Variants in GPR39 observed in about 807,000 individuals in gnomAD.
The protein encoded by GPR39 is G protein-coupled receptor 39.
Under a neutral mutation model 18.4 loss-of-function variants are expected in GPR39, and 23 were observed. That is an observed-to-expected ratio of 1.25 (90% CI 0.90 to 1.77). The LOEUF is 1.77. GPR39 is among the 40% of genes most tolerant of loss of function. GPR39 has a pLI of 0.00. For missense variants in GPR39, 647 were observed against 602.4 expected, an observed-to-expected ratio of 1.07 and a Z score of -0.78; for synonymous variants, 280 against 257.9, an observed-to-expected ratio of 1.09 and a Z score of -0.82.
intron 1 of GPR39, among the ~76,000 whole-genome samples, chr2:132,616,926 C>T (rs751941732): frequency 9.9e-5 from 15 of 152,208 alleles, no homozygotes; most frequent in South Asian, 2.1e-4. Context: ...GCTGGATGCT[C>T]CTTCCTCCAG....
chr2:132,515,212 C>T (rs2104762091), intron 1 of GPR39, among the ~76,000 whole-genome samples: 1 of 152,286 alleles, frequency 6.6e-6, no homozygotes, highest in South Asian at 2.1e-4. Context: ...CTCTAAGGCC[C>T]CTTCCAGCCT....
At chr2:132,492,207 CAT>C (rs1172226323) in intron 1 of GPR39, among the ~76,000 whole-genome samples, 1 of 140,192 alleles carries the variant, frequency 7.1e-6, no homozygotes, top group African/African-American at 2.7e-5. Context: ...ATATATATAC[CAT>C]ATATATACAT....
At chr2:132,592,655 A>G (rs1680868139) in intron 1 of GPR39, among the ~76,000 whole-genome samples, 1 of 152,190 alleles carries the variant, frequency 6.6e-6, no homozygotes, top group Admixed American at 6.5e-5. Flanking sequence ...AAAGGGTCAG[A>G]GAGAAAGAAA....
intron 1 of GPR39, among the ~76,000 whole-genome samples, chr2:132,469,077 G>A (rs1680982918): frequency 6.6e-6 from 1 of 152,180 alleles, no homozygotes; most frequent in African/African-American, 2.4e-5. Flanking sequence ...AAAGGGCTTG[G>A]GACATGTCTC....
chr2:132,595,219 T>C lies in GPR39; in HGVS notation c.857-49882T>C, dbSNP rs542959178. Among the ~76,000 whole-genome samples, 5 of 152,202 alleles carry C rather than the reference T, an allele frequency of 3.3e-5. No homozygotes were observed. In the South Asian group the frequency reaches 1.0e-3, roughly 32 times the overall value. ...TTCACCATGTTGGCCAGGCTGGTCTTGAACTCCTGACCTCATGATCTGCCC... is the reference window on the plus strand; with the variant it reads ...TTCACCATGTTGGCCAGGCTGGTCTCGAACTCCTGACCTCATGATCTGCCC... On this transcript the variant is annotated intron_variant, in intron 1 of 1. Transcript: ENST00000329321.
At chr2:132,621,013 A>G (rs947841284) in intron 1 of GPR39, among the ~76,000 whole-genome samples, 3 of 152,054 alleles carry the variant, frequency 2.0e-5, no homozygotes, top group Admixed American at 6.6e-5. Context: ...CGGCCTCCCA[A>G]ACTGCTGGGA....
At chr2:132,616,805 CTCAAAAAACTGTTTTGA>C (rs1681343160) in intron 1 of GPR39, among the ~76,000 whole-genome samples, 1 of 152,110 alleles carries the variant, frequency 6.6e-6, no homozygotes. Flanking sequence ...TTCTGTTTTG[CTCAAAAAACTGTTTTGA>C]AAGAATCAAA....
At chr2:132,422,311 T>G (rs889417750) in intron 1 of GPR39, among the ~76,000 whole-genome samples, 3 of 152,222 alleles carry the variant, frequency 2.0e-5, no homozygotes, top group Admixed American at 2.0e-4. Context: ...AATCATCTGT[T>G]TCTTCAGCTT....
intron 1 of GPR39, among the ~76,000 whole-genome samples, chr2:132,527,589 A>T (rs1045905529): frequency 3.9e-5 from 6 of 152,152 alleles, no homozygotes; most frequent in Admixed American, 2.6e-4. Context: ...TCTCCACAGC[A>T]TTGCCAGCAT....
chr2:132,565,540 T>TCCCTCCC (rs1400382570), intron 1 of GPR39, among the ~76,000 whole-genome samples: 2 of 103,518 alleles, frequency 1.9e-5, no homozygotes, highest in East Asian at 3.4e-4. Context: ...CCCAATGCCA[T>TCCCTCCC]CCCTCCCCCC....
intron 1 of GPR39, among the ~76,000 whole-genome samples, chr2:132,499,815 TG>T (rs1274720978): frequency 5.3e-5 from 8 of 152,032 alleles, no homozygotes; most frequent in South Asian, 2.1e-4. Context: ...AGTATTGTAT[TG>T]TATTTATTTA....
intron 1 of GPR39, among the ~76,000 whole-genome samples, chr2:132,605,390 T>A (rs1018086242): frequency 9.2e-5 from 14 of 152,142 alleles, no homozygotes; most frequent in Admixed American, 6.5e-4. Flanking sequence ...GAGTGAGCCA[T>A]TCATGCGGCC....
chr2:132,508,662 A>G (rs1679180384), intron 1 of GPR39, among the ~76,000 whole-genome samples: 1 of 152,154 alleles, frequency 6.6e-6, no homozygotes, highest in Admixed American at 6.5e-5. Context: ...CATATCTGTA[A>G]ATCAGCTGCC....
chr2:132,493,799 A>G (rs1412404104), intron 1 of GPR39, among the ~76,000 whole-genome samples: 3 of 152,008 alleles, frequency 2.0e-5, no homozygotes, highest in Non-Finnish European at 4.4e-5. Context: ...ACCACAGGCT[A>G]TAGCTAGATA....
intron 1 of GPR39, among the ~76,000 whole-genome samples, chr2:132,591,172 AC>A (rs1331086568): frequency 6.9e-6 from 1 of 145,274 alleles, no homozygotes; most frequent in African/African-American, 2.5e-5. Flanking sequence ...AATGGCGTGA[AC>A]CCGGGAAGCG....
chr2:132,555,844 TACATGG>T (rs926403870), intron 1 of GPR39, among the ~76,000 whole-genome samples: 10 of 152,308 alleles, frequency 6.6e-5, no homozygotes, highest in African/African-American at 2.4e-4. Flanking sequence ...ATATAACATA[TACATGG>T]TAAGAGGTGA....
chr2:132,475,846 A>G (rs1196010055), intron 1 of GPR39, among the ~76,000 whole-genome samples: 1 of 152,132 alleles, frequency 6.6e-6, no homozygotes, highest in Non-Finnish European at 1.5e-5. Context: ...CAAGACCTCA[A>G]ATGCTTTCAC....
At chr2:132,635,208 T>C (rs1681728979) in intron 1 of GPR39, among the ~76,000 whole-genome samples, 1 of 152,180 alleles carries the variant, frequency 6.6e-6, no homozygotes, top group African/African-American at 2.4e-5. Flanking sequence ...ATGGATTCCA[T>C]AGAGGTTCAC....
At chr2:132,555,209 C>G (rs1680126235) in intron 1 of GPR39, among the ~76,000 whole-genome samples, 1 of 143,416 alleles carries the variant, frequency 7.0e-6, no homozygotes, top group Non-Finnish European at 1.5e-5. Context: ...CTAAGCTTCC[C>G]AAAGTGCTGG....
Sources: gnomAD v4.1 joint callset for allele counts (sites outside exome capture counted in the v4.1 genomes callset) on GRCh38, gnomAD v4.1.1 for gene constraint, MANE v1.5 for transcripts, NCBI Gene and HGNC (gene_info 2026-07-23, HGNC 2026-07-21) for gene names.